Variants in CLINT1 observed in about 807,000 individuals in gnomAD.
The protein encoded by CLINT1 is clathrin interacting protein localized in the trans-Golgi region.
Under a neutral mutation model 70.4 loss-of-function variants are expected in CLINT1, and 15 were observed. The observed-to-expected ratio is 0.21, with a 90% CI of 0.14 to 0.33. CLINT1 has a LOEUF of 0.33. Among genes scored for constraint, CLINT1 ranks in the 10% least tolerant of loss-of-function variants. The probability of loss-of-function intolerance (pLI) is 1.00; values close to 1 mark genes in which losing one functional copy is unlikely to be tolerated. For missense variants in CLINT1, 615 were observed against 778.1 expected, an observed-to-expected ratio of 0.79 and a Z score of 2.49; for synonymous variants, 227 against 254.7, an observed-to-expected ratio of 0.89 and a Z score of 1.04.
chr5:157,858,844 G>C, intron 1 of CLINT1, 86 bp downstream of exon 1: 1 of 1,426,314 alleles, frequency 7.0e-7, no homozygotes, highest in African/African-American at 1.4e-5. Flanking sequence ...GCGTGACGTG[G>C]GCAACCCCTA....
intron 1 of CLINT1, among the ~76,000 whole-genome samples, chr5:157,840,215 GA>G (rs1753121494): frequency 1.0e-5 from 1 of 95,888 alleles, no homozygotes; most frequent in South Asian, 3.3e-4. Context: ...AAAAAAAAAG[GA>G]AAAAAGAGAA....
At chr5:157,820,568 C>T (rs1357146726) in intron 1 of CLINT1, among the ~76,000 whole-genome samples, 2 of 152,178 alleles carry the variant, frequency 1.3e-5, no homozygotes, top group Admixed American at 6.5e-5. Flanking sequence ...CTAAAAACAA[C>T]ACTGTATGGT....
chr5:157,811,361 G>T (rs750664975), intron 5 of CLINT1, among the ~76,000 whole-genome samples: 67 of 152,056 alleles, frequency 4.4e-4, no homozygotes, highest in African/African-American at 1.6e-3. Flanking sequence ...GGCCAACATG[G>T]CGAAACCCTA....
intron 1 of CLINT1, among the ~76,000 whole-genome samples, chr5:157,840,598 G>A (rs976870834): frequency 2.1e-5 from 3 of 143,964 alleles, no homozygotes; most frequent in African/African-American, 2.6e-5. Context: ...GTGCGTTTGC[G>A]TAAACAGAAA....
At chr5:157,824,881 G>A (rs1223177562) in intron 1 of CLINT1, among the ~76,000 whole-genome samples, 6 of 152,066 alleles carry the variant, frequency 3.9e-5, no homozygotes. Flanking sequence ...GACATCAAAT[G>A]TAGCATCACA....
chr5:157,838,067 A>G lies in CLINT1; in HGVS notation c.42-20520T>C, dbSNP rs1413267127. Among the ~76,000 whole-genome samples the G allele has an allele frequency of 3.3e-5, 5 of 152,082 alleles. No individual in the cohort carries two copies. In the East Asian group the frequency reaches 9.6e-4, roughly 29 times the overall value. On this transcript the variant is annotated intron_variant, in intron 1 of 11. Coordinates refer to ENST00000411809, the MANE Select transcript of CLINT1 (RefSeq NM_014666.4). ...ATACATTTTTTCTTAATTGCTGGAA[A>G]AATGCCACTTTTAACAAATGGCCAA...
At position 157,809,643 on chromosome 5, in the gene CLINT1, G is replaced by A; in HGVS notation, c.680C>T (p.Ser227Phe). Reference sequence around the variant, plus strand: ...GGTAAAATACCTGCATCTTTCTGGAGAGTCTTCTCTATCTTTCCTCCGGAA... The same window carrying A: ...GGTAAAATACCTGCATCTTTCTGGAAAGTCTTCTCTATCTTTCCTCCGGAA... The part of the protein sequence containing the change: ...SKFRRKDRED[S>F]PERCSDSDEE... Residue 227 changes from serine to phenylalanine, a missense_variant, in exon 6 of 12, where the codon TCT becomes TTT. Ser to Phe is a radical substitution (Grantham distance 155). This residue lies in a region of CLINT1 where 241 missense variants were observed against 368.6 expected (regional missense o/e 0.65). Coordinates refer to ENST00000411809, the MANE Select transcript of CLINT1 (RefSeq NM_014666.4). 4 of 1,607,624 alleles carry A rather than the reference G, an allele frequency of 2.5e-6. No individual in the cohort carries two copies. The highest frequency in any genetic ancestry group is 1.1e-5 in the South Asian group (1 of 89,924).
At chr5:157,842,306 C>G (rs1427352557) in intron 1 of CLINT1, among the ~76,000 whole-genome samples, 4 of 152,078 alleles carry the variant, frequency 2.6e-5, no homozygotes, top group Non-Finnish European at 4.4e-5. Context: ...AGTAAAAAAT[C>G]TTAAAAGTCA....
At chr5:157,845,971 C>T (rs1363008749) in intron 1 of CLINT1, among the ~76,000 whole-genome samples, 3 of 152,166 alleles carry the variant, frequency 2.0e-5, no homozygotes, top group African/African-American at 7.2e-5. Flanking sequence ...GCATGAACCA[C>T]GCTGCTAATT....
chr5:157,854,321 C>T (rs1753676336), intron 1 of CLINT1, among the ~76,000 whole-genome samples: 2 of 152,182 alleles, frequency 1.3e-5, no homozygotes, highest in African/African-American at 2.4e-5. Flanking sequence ...CAATGGCTCC[C>T]GCCTGTAATC....
Position 157,791,693 on chromosome 5 carries a change from G to T in CLINT1, c.1380+10C>A. 6.3e-7 allele frequency: 1 copy of T among 1,597,666 alleles called. No homozygotes were observed. Among genetic ancestry groups the T allele is most frequent in the South Asian group, 1.1e-5 (1 of 88,716 alleles). ...TAAATAACAAATTCCAAGGGAACCA[G>T]ACAACTTACCTGTGATCTTGACATA... On this transcript the variant is annotated intron_variant, in intron 10 of 11. Coordinates refer to ENST00000411809, the MANE Select transcript of CLINT1 (RefSeq NM_014666.4).
intron 1 of CLINT1, among the ~76,000 whole-genome samples, chr5:157,847,896 T>C (rs1368192110): frequency 1.3e-5 from 2 of 152,182 alleles, no homozygotes; most frequent in Non-Finnish European, 2.9e-5. Flanking sequence ...CACTGCAGCC[T>C]TGACCTCCTG....
chr5:157,794,830 G>A, intron 9 of CLINT1, 68 bp downstream of exon 9: 1 of 1,090,394 alleles, frequency 9.2e-7, no homozygotes, highest in East Asian at 2.6e-5. Flanking sequence ...TGACTTGGGG[G>A]GAATGGGAGT....
chr5:157,812,112 G>C (rs188211249), intron 5 of CLINT1, among the ~76,000 whole-genome samples: 126 of 152,226 alleles, frequency 8.3e-4, no homozygotes, highest in Admixed American at 2.8e-3. Flanking sequence ...TCCTTAAACA[G>C]CTAACTAAAC....
chr5:157,829,088 C>T (rs968941696), intron 1 of CLINT1, among the ~76,000 whole-genome samples: 4 of 151,760 alleles, frequency 2.6e-5, no homozygotes, highest in Admixed American at 1.3e-4. Context: ...GGCATGGAAG[C>T]GAGACTCTGC....
intron 1 of CLINT1, among the ~76,000 whole-genome samples, chr5:157,830,509 G>A (rs374810805): frequency 6.6e-5 from 10 of 151,502 alleles, no homozygotes; most frequent in African/African-American, 1.7e-4. Context: ...TATTCTTTTC[G>A]TAAGAGTAAA....
At chr5:157,792,314 G>A (rs151130820) in intron 9 of CLINT1, among the ~76,000 whole-genome samples, 5,699 of 152,178 alleles carry the variant, frequency 0.037, 156 homozygotes, top group Middle Eastern at 0.065. Context: ...TTGGGAGGCC[G>A]AGACAGGTGG....
intron 8 of CLINT1, among the ~76,000 whole-genome samples, chr5:157,797,680 CT>C (rs1230152709): frequency 1.3e-5 from 2 of 152,106 alleles, no homozygotes; most frequent in African/African-American, 4.8e-5. Flanking sequence ...GCCACCGCCC[CT>C]GGTGGAGTTA....
intron 1 of CLINT1, among the ~76,000 whole-genome samples, chr5:157,853,111 G>T (rs11743134): frequency 0.3 from 46,197 of 151,974 alleles, 7,136 homozygotes; most frequent in South Asian, 0.37. Flanking sequence ...CCTTTGGGAG[G>T]CTAAGGCAGG....
Sources: gnomAD v4.1 joint callset for allele counts (sites outside exome capture counted in the v4.1 genomes callset) on GRCh38, gnomAD v4.1.1 for gene constraint, gnomAD v4.1.1 regional missense constraint, MANE v1.5 for transcripts, NCBI Gene and HGNC (gene_info 2026-07-23, HGNC 2026-07-21) for gene names.